Variants in CHLSN observed in about 807,000 individuals in gnomAD.
The protein encoded by CHLSN is protein cholesin.
the CHLSN span, among the ~76,000 whole-genome samples, chr7:1,068,391 C>T: frequency 5.3e-5 from 8 of 152,272 alleles, no homozygotes; most frequent in African/African-American, 1.9e-4. Flanking sequence ...CAGGACAGCC[C>T]CGGGGGTCTG....
At chr7:1,077,248 C>G in the CHLSN span, among the ~76,000 whole-genome samples, 1 of 152,212 alleles carries the variant, frequency 6.6e-6, no homozygotes, top group Non-Finnish European at 1.5e-5. Flanking sequence ...CTCCGCCTCC[C>G]GGGTTCACAC....
the CHLSN span, chr7:1,026,759 G>A: frequency 2.6e-5 from 4 of 152,374 alleles, no homozygotes; most frequent in East Asian, 5.8e-4. Context: ...TGTGCAGAAG[G>A]CGAGGCTCCC....
the CHLSN span, among the ~76,000 whole-genome samples, chr7:1,016,793 CAGCACA>C: frequency 2.0e-5 from 2 of 100,676 alleles, no homozygotes; most frequent in Non-Finnish European, 4.0e-5. Context: ...CAGCACACAG[CAGCACA>C]CAGCAGCACA....
chr7:1,070,825 A>G, the CHLSN span, among the ~76,000 whole-genome samples: 2,865 of 147,396 alleles, frequency 0.019, 98 homozygotes, highest in East Asian at 0.18. Context: ...CCACACGTGC[A>G]CACATATACA....
chr7:997,434 C>G, the CHLSN span: 1 of 539,206 alleles, frequency 1.9e-6, no homozygotes, highest in Non-Finnish European at 3.2e-6. Context: ...CAAGGAGGGT[C>G]TGGAGGAGGG....
chr7:1,011,909 C>T, the CHLSN span, among the ~76,000 whole-genome samples: 1 of 152,226 alleles, frequency 6.6e-6, no homozygotes, highest in Non-Finnish European at 1.5e-5. Context: ...CACACACAGG[C>T]AGGAAGCTCT....
At chr7:1,112,468 C>T in the CHLSN span, among the ~76,000 whole-genome samples, 1 of 152,160 alleles carries the variant, frequency 6.6e-6, no homozygotes, top group Non-Finnish European at 1.5e-5. Flanking sequence ...AGAAAGAGAC[C>T]ACAGGAGTGC....
chr7:997,065 G>T, the CHLSN span: 335 of 152,604 alleles, frequency 2.2e-3, no homozygotes, highest in Non-Finnish European at 3.9e-3. Flanking sequence ...GCACAGGTAC[G>T]TGATCCGACT....
the CHLSN span, among the ~76,000 whole-genome samples, chr7:1,015,576 G>A: frequency 1.3e-5 from 2 of 152,240 alleles, no homozygotes; most frequent in African/African-American, 4.8e-5. Context: ...AGAAAGGAGG[G>A]CAGAGTGGGG....
the CHLSN span, chr7:1,021,475 T>G: frequency 1.0e-6 from 1 of 985,362 alleles, no homozygotes; most frequent in Non-Finnish European, 1.2e-6. Flanking sequence ...GGTGGCCACC[T>G]GGGCTGCTGC....
At chr7:995,802 C>T in the CHLSN span, among the ~76,000 whole-genome samples, 3 of 152,244 alleles carry the variant, frequency 2.0e-5, no homozygotes, top group Admixed American at 6.5e-5. Flanking sequence ...CGGCAAGGCC[C>T]GCCCTGGGCC....
At chr7:1,069,175 T>C in the CHLSN span, among the ~76,000 whole-genome samples, 1 of 152,042 alleles carries the variant, frequency 6.6e-6, no homozygotes, top group African/African-American at 2.4e-5. Flanking sequence ...GTACTAAAAA[T>C]ACAAAATTAG....
the CHLSN span, chr7:1,092,047 A>T: frequency 6.2e-7 from 1 of 1,613,854 alleles, no homozygotes; most frequent in Non-Finnish European, 8.5e-7. Context: ...GGCGGACCTC[A>T]TCCTGGTGGC....
chr7:1,002,234 GT>G, the CHLSN span, among the ~76,000 whole-genome samples: 1 of 114,536 alleles, frequency 8.7e-6, no homozygotes, highest in African/African-American at 3.6e-5. Context: ...GGTGAGTGGA[GT>G]CCTGCGGGTG....
the CHLSN span, among the ~76,000 whole-genome samples, chr7:1,062,275 A>G: frequency 1.3e-5 from 2 of 151,384 alleles, no homozygotes; most frequent in African/African-American, 2.4e-5. Flanking sequence ...CGAAGAGATC[A>G]GGAAATCTAC....
the CHLSN span, among the ~76,000 whole-genome samples, chr7:1,017,212 T>C: frequency 6.6e-6 from 1 of 151,484 alleles, no homozygotes; most frequent in Non-Finnish European, 1.5e-5. Context: ...CCGTGCTGCA[T>C]CAAAGAATGG....
At chr7:1,092,354 C>T in the CHLSN span, 5 of 1,611,090 alleles carry the variant, frequency 3.1e-6, no homozygotes, top group African/African-American at 4.0e-5. Context: ...TTCTGTTTCG[C>T]GGATGTCCGG....
At chr7:1,109,603 A>C in the CHLSN span, 1 of 152,290 alleles carries the variant, frequency 6.6e-6, no homozygotes, top group Non-Finnish European at 1.5e-5. Context: ...AACACGGAAC[A>C]GGTGGACATG....
At chr7:1,132,206 T>C in the CHLSN span, among the ~76,000 whole-genome samples, 2 of 152,164 alleles carry the variant, frequency 1.3e-5, no homozygotes, top group Admixed American at 1.3e-4. Context: ...GATAATAAAT[T>C]GGACTACAAC....
Sources: gnomAD v4.1 joint callset for allele counts (sites outside exome capture counted in the v4.1 genomes callset) on GRCh38, gnomAD v4.1.1 for gene constraint, MANE v1.5 for transcripts, NCBI Gene and HGNC (gene_info 2026-07-23, HGNC 2026-07-21) for gene names.